The following MACROD2 variants were observed in gnomAD, a reference collection of about 807,000 sequenced individuals.
The protein encoded by MACROD2 is mono-ADP ribosylhydrolase 2.
Under a neutral mutation model 70.4 loss-of-function variants are expected in MACROD2, and 36 were observed. That is an observed-to-expected ratio of 0.51 (90% CI 0.39 to 0.68). MACROD2 has a LOEUF of 0.68. MACROD2 is among the 30% of genes least tolerant of loss of function. The probability of loss-of-function intolerance (pLI) is 0.00; values close to 1 mark genes in which losing one functional copy is unlikely to be tolerated. For missense variants in MACROD2, 496 were observed against 538.4 expected (o/e 0.92, Z 0.78); for synonymous variants, 172 against 178.8 (o/e 0.96, Z 0.30).
chr20:15,324,219 C>G (rs745838112), intron 6 of MACROD2, among the ~76,000 whole-genome samples: 11 of 152,066 alleles, frequency 7.2e-5, no homozygotes, highest in Non-Finnish European at 1.3e-4. Context: ...CAATTTTTTA[C>G]TGCTTCAGGC....
intron 3 of MACROD2, among the ~76,000 whole-genome samples, chr20:14,275,459 A>T (rs1251385188): frequency 1.9e-4 from 29 of 151,814 alleles, no homozygotes; most frequent in Non-Finnish European, 3.7e-4. Context: ...TCCCTTCCTT[A>T]CACCTTATAC....
At chr20:14,997,276 C>T (rs1371069256) in intron 5 of MACROD2, among the ~76,000 whole-genome samples, 6 of 152,058 alleles carry the variant, frequency 3.9e-5, no homozygotes, top group Middle Eastern at 3.2e-3. Context: ...GGCCCTAGCT[C>T]CCAGATGACA....
chr20:14,927,304 A>G (rs1218558239), intron 5 of MACROD2, among the ~76,000 whole-genome samples: 1 of 152,208 alleles, frequency 6.6e-6, no homozygotes, highest in African/African-American at 2.4e-5. Context: ...TGCATGCTAC[A>G]GAATCCATTC....
At chr20:14,737,747 G>C (rs1465180934) in intron 5 of MACROD2, among the ~76,000 whole-genome samples, 1 of 151,988 alleles carries the variant, frequency 6.6e-6, no homozygotes, top group Admixed American at 6.5e-5. Flanking sequence ...CCACATAAAT[G>C]TTTTCTTTGA....
At chr20:15,378,903 A>C (rs931045409) in intron 6 of MACROD2, among the ~76,000 whole-genome samples, 2 of 152,192 alleles carry the variant, frequency 1.3e-5, no homozygotes, top group African/African-American at 2.4e-5. Context: ...AACTGCAAAG[A>C]TGACTGCATG....
At chr20:15,755,556 C>G (rs2051335738) in intron 8 of MACROD2, among the ~76,000 whole-genome samples, 1 of 152,080 alleles carries the variant, frequency 6.6e-6, no homozygotes, top group Non-Finnish European at 1.5e-5. Context: ...ACAAAGGGCT[C>G]AAAAACCTCC....
chr20:15,213,631 C>T (rs1202932795), intron 5 of MACROD2, among the ~76,000 whole-genome samples: 2 of 152,076 alleles, frequency 1.3e-5, no homozygotes, highest in African/African-American at 2.4e-5. Flanking sequence ...TTGCTAAGTA[C>T]AGTGTGGGTG....
At chr20:15,712,144 T>C (rs1465860150) in intron 8 of MACROD2, among the ~76,000 whole-genome samples, 3 of 152,218 alleles carry the variant, frequency 2.0e-5, no homozygotes, top group Non-Finnish European at 4.4e-5. Flanking sequence ...AACTAACATA[T>C]CTCCTTGCTA....
chr20:14,916,960 C>A (rs749639709), intron 5 of MACROD2, among the ~76,000 whole-genome samples: 8 of 151,806 alleles, frequency 5.3e-5, no homozygotes, highest in Non-Finnish European at 1.2e-4. Context: ...GAAAAATAGG[C>A]ACCTTGATTG....
chr20:14,111,451 A>G (rs1435331650), intron 3 of MACROD2, among the ~76,000 whole-genome samples: 1 of 152,056 alleles, frequency 6.6e-6, no homozygotes, highest in Admixed American at 6.6e-5. Context: ...ATATTTGCAA[A>G]CTACCCATCT....
At chr20:15,873,585 GC>G (rs1194707706) in intron 9 of MACROD2, among the ~76,000 whole-genome samples, 6 of 151,804 alleles carry the variant, frequency 4.0e-5, no homozygotes, top group Admixed American at 2.6e-4. Flanking sequence ...AATATATGTT[GC>G]AAGTGGTTTC....
chr20:14,937,666 A>G lies in MACROD2; in HGVS notation c.418+252707A>G, dbSNP rs770455926. Among the ~76,000 whole-genome samples the G allele has an allele frequency of 2.1e-4, 32 of 152,090 alleles. 1 individual carries two copies. The highest frequency in any genetic ancestry group is 1.3e-4 in the Admixed American group (2 of 15,258). ...TATATATGTATATATAATCTTAAAT[A>G]TTTGTCTTTTTAATGCTAGAAACAT... On this transcript the variant is annotated intron_variant, in intron 5 of 17. Transcript: ENST00000684519.
intron 4 of MACROD2, among the ~76,000 whole-genome samples, chr20:14,667,119 G>A (rs1282502794): frequency 2.6e-5 from 4 of 152,044 alleles, no homozygotes; most frequent in Non-Finnish European, 5.9e-5. Flanking sequence ...AAAGCAGTGT[G>A]GCCAGAATGC....
At chr20:15,588,371 G>T (rs1016022690) in intron 8 of MACROD2, among the ~76,000 whole-genome samples, 1 of 152,180 alleles carries the variant, frequency 6.6e-6, no homozygotes, top group Non-Finnish European at 1.5e-5. Context: ...CTGCTGTGAA[G>T]GTCTCTGGCA....
intron 5 of MACROD2, among the ~76,000 whole-genome samples, chr20:15,224,192 A>G (rs1366553767): frequency 1.3e-5 from 2 of 152,194 alleles, no homozygotes; most frequent in Non-Finnish European, 1.5e-5. Flanking sequence ...GGTCTGACCC[A>G]TAGAAGCCAA....
intron 5 of MACROD2, among the ~76,000 whole-genome samples, chr20:14,735,516 T>C (rs144662049): frequency 6.0e-4 from 92 of 152,080 alleles, no homozygotes; most frequent in African/African-American, 1.3e-3. Context: ...TGCGGAGAAA[T>C]TGAATGGACC....
chr20:15,017,012 C>T (rs1479314327), intron 5 of MACROD2, among the ~76,000 whole-genome samples: 1 of 152,140 alleles, frequency 6.6e-6, no homozygotes, highest in Non-Finnish European at 1.5e-5. Context: ...CTCCAAATCT[C>T]ATGTCCTCAC....
chr20:14,470,019 T>G (rs1488337565), intron 3 of MACROD2, among the ~76,000 whole-genome samples: 1 of 152,110 alleles, frequency 6.6e-6, no homozygotes, highest in Non-Finnish European at 1.5e-5. Flanking sequence ...TTCTGGTTTT[T>G]GGAATTTTCA....
At chr20:14,698,425 C>T (rs895488526) in intron 5 of MACROD2, among the ~76,000 whole-genome samples, 1 of 152,232 alleles carries the variant, frequency 6.6e-6, no homozygotes, top group Admixed American at 6.5e-5. Flanking sequence ...GTCTGTGTGG[C>T]ACTCAGAGCA....
Sources: allele counts gnomAD v4.1 joint callset (sites outside exome capture counted in the v4.1 genomes callset), GRCh38; gene constraint gnomAD v4.1.1; transcripts MANE v1.5; gene names NCBI Gene and HGNC (gene_info 2026-07-23, HGNC 2026-07-21).